FBN3: variants seen among roughly 807,000 people sequenced by gnomAD.
The protein encoded by FBN3 is fibrillin 3, also known as fibrillin-3.
A neutral mutation model predicts 330.1 loss-of-function variants in FBN3; 234 were observed. That is an observed-to-expected ratio of 0.71 (90% confidence interval 0.64 to 0.79). The LOEUF (loss-of-function observed/expected upper bound fraction) is 0.79. FBN3 is among the 30% of genes least tolerant of loss of function. FBN3 has a pLI of 0.00. For missense variants in FBN3, 3,606 were observed against 3,886.9 expected (o/e 0.93, Z 1.92); for synonymous variants, 1,458 against 1,517.3 (o/e 0.96, Z 0.91).
chr19:8,126,252 C>T (rs369908148), intron 21 of FBN3, 45 bp downstream of exon 21: 130 of 1,563,112 alleles, frequency 8.3e-5, no homozygotes, highest in Middle Eastern at 1.8e-4. Context: ...TGGTTGTGTG[C>T]GGGCTCTGGA....
At chr19:8,146,567 T>G (rs2083551550) in intron 3 of FBN3, among the ~76,000 whole-genome samples, 1 of 151,952 alleles carries the variant, frequency 6.6e-6, no homozygotes, top group African/African-American at 2.4e-5. Context: ...TGGAGTCAGA[T>G]TCCAGAGACA....
chr19:8,097,504 G>A, intron 41 of FBN3, 90 bp from the exon 42 acceptor site: 1 of 1,406,256 alleles, frequency 7.1e-7, no homozygotes, highest in Non-Finnish European at 9.5e-7. Flanking sequence ...CTGCAATCTG[G>A]TTGAGGCTGT....
intron 41 of FBN3, among the ~76,000 whole-genome samples, chr19:8,099,421 C>T (rs1237982291): frequency 6.6e-6 from 1 of 151,188 alleles, no homozygotes; most frequent in East Asian, 2.0e-4. Flanking sequence ...GCTGGGACTA[C>T]AGGCGCCCGC....
chr19:8,144,302 C>T lies in FBN3; in HGVS notation c.541+575G>A, dbSNP rs150178214. ...ATCCCAGCTACTCGGGAGGCTGAAG[C>T]GGGAGGATTGGTTGAACCTGGGAGG... On this transcript the variant is annotated intron_variant, in intron 6 of 63. Coordinates refer to ENST00000600128, the MANE Select transcript of FBN3 (RefSeq NM_032447.5). Among the ~76,000 whole-genome samples the T allele has an allele frequency of 8.0e-3, 1,219 of 151,860 alleles. 10 individuals are homozygous for T. Among genetic ancestry groups the T allele is most frequent in the Middle Eastern group, 0.02 (6 of 294 alleles).
chr19:8,124,121 C>T (rs1599398067), intron 22 of FBN3, 113 bp from the exon 23 acceptor site: 15 of 883,266 alleles, frequency 1.7e-5, no homozygotes, highest in East Asian at 1.3e-4. Flanking sequence ...GTAGTCAGGT[C>T]GAGGGCCAGA....
intron 48 of FBN3, 113 bp downstream of exon 48, chr19:8,091,352 C>T (rs749533869): frequency 8.3e-5 from 115 of 1,391,380 alleles, no homozygotes; most frequent in Non-Finnish European, 1.0e-4. Flanking sequence ...ACACCTCTGC[C>T]TGGTCAGAGC....
chr19:8,100,800 G>T, intron 41 of FBN3, 101 bp downstream of exon 41: 1 of 843,306 alleles, frequency 1.2e-6, no homozygotes, highest in South Asian at 1.4e-5. Context: ...GAGGATGGAG[G>T]AGTGGATGTA....
At chr19:8,108,140 AGATG>A (rs752754368) in intron 37 of FBN3, 26 bp downstream of exon 37, 3 of 1,600,850 alleles carry the variant, frequency 1.9e-6, no homozygotes, top group Non-Finnish European at 2.6e-6. Context: ...CTAGGCAGAC[AGATG>A]GATGGATGAT....
chr19:8,108,620 G>A (rs1006329813), intron 36 of FBN3, among the ~76,000 whole-genome samples: 3 of 151,998 alleles, frequency 2.0e-5, no homozygotes, highest in Non-Finnish European at 2.9e-5. Flanking sequence ...ATTCACACAC[G>A]CATACACCTG....
In FBN3 at chr19:8,097,352, C is replaced by T. The variant is rs774988617; in HGVS notation, c.5224G>A (p.Gly1742Arg). 11 of 1,610,524 alleles carry T rather than the reference C, an allele frequency of 6.8e-6. No homozygotes were observed. The highest frequency in any genetic ancestry group is 6.7e-5 in the Admixed American group (4 of 59,748). ...GCGGGGCACTCGCAGCGGAAACTCC[C>T]GATCTGGTTTATGCAGATGCCATTG... is the stretch of plus-strand genomic sequence containing the variant. Reference protein sequence around the residue: ...CANGICINQIGSFRCECPAGF... With the variant: ...CANGICINQIRSFRCECPAGF... The change falls in exon 42 of 64, where the codon GGG (glycine) becomes AGG (arginine). Residue 1742 changes from glycine to arginine, a missense_variant. By Grantham distance (125) the Gly-to-Arg change is moderately radical. Transcript: ENST00000600128.
Position 8,072,381 on chromosome 19 carries a change from T to G in FBN3, c.7938-183A>C, listed in dbSNP as rs566707728. 2.0e-5 allele frequency among the ~76,000 whole-genome samples: 3 copies of G among 152,232 alleles called. No homozygotes were observed. In the South Asian group the frequency reaches 6.2e-4, roughly 32 times the overall value. On this transcript the variant is annotated intron_variant, in intron 62 of 63. Coordinates refer to ENST00000600128, the MANE Select transcript of FBN3 (RefSeq NM_032447.5). ...AGTGTGTGTGCACCACATAAGGGTG[T>G]GCATGTGTGTCCCTTGGTTCATTTG...
At position 8,122,459 on chromosome 19, in the gene FBN3, C is replaced by T. The variant is rs183724124; in HGVS notation, c.3082+1005G>A. On this transcript the variant is annotated intron_variant, in intron 24 of 63. Coordinates refer to ENST00000600128, the MANE Select transcript of FBN3 (RefSeq NM_032447.5). ...TTGGCTTACTGCAACCTCCGCCTCCCGGGTTCAAGTGATTCTCCTGCCTCG... is the reference window on the plus strand; with the variant it reads ...TTGGCTTACTGCAACCTCCGCCTCCTGGGTTCAAGTGATTCTCCTGCCTCG... Among the ~76,000 whole-genome samples, 41 of 152,192 alleles carry T rather than the reference C, an allele frequency of 2.7e-4. No individual in the cohort carries two copies. The East Asian group carries it at 3.5e-3, about 13-fold the overall frequency.
At chr19:8,076,247 C>CATGTGTGTGTGTGT (rs60725609) in intron 59 of FBN3, among the ~76,000 whole-genome samples, 2,230 of 147,728 alleles carry the variant, frequency 0.015, 26 homozygotes, top group African/African-American at 0.031. Flanking sequence ...TGTCCGTGTG[C>CATGTGTGTGTGTGT]GTGTGTGTGT....
At chr19:8,069,001 G>A (rs988772496) in intron 63 of FBN3, among the ~76,000 whole-genome samples, 8 of 152,084 alleles carry the variant, frequency 5.3e-5, no homozygotes, top group South Asian at 2.1e-4. Flanking sequence ...ATGACATTGC[G>A]ACCCAGAGCC....
At chr19:8,120,992 C>T (rs1276543318) in intron 25 of FBN3, among the ~76,000 whole-genome samples, 1 of 152,152 alleles carries the variant, frequency 6.6e-6, no homozygotes. Flanking sequence ...TCTGAGGGTC[C>T]CTGTCCTCTA....
At chr19:8,094,311 T>G in intron 47 of FBN3, 135 bp downstream of exon 47, 1 of 929,124 alleles carries the variant, frequency 1.1e-6, no homozygotes, top group Non-Finnish European at 1.5e-6. Context: ...CAATAATAGT[T>G]TATGAAGCTG....
chr19:8,072,309 G>T, intron 62 of FBN3, 111 bp from the exon 63 acceptor site: 2 of 1,110,242 alleles, frequency 1.8e-6, no homozygotes, highest in South Asian at 1.6e-5. Context: ...AAATGCCCAC[G>T]CACACAAATG....
In FBN3 at chr19:8,096,858, C is replaced by A. The variant is rs1599330039; in HGVS notation, c.5413+23G>T. ...GGGTGACAGAGCCCAGCTCCCTCACCTCCTCCCAGGGACCCTGCTCACCCA... is the reference window on the plus strand; with the variant it reads ...GGGTGACAGAGCCCAGCTCCCTCACATCCTCCCAGGGACCCTGCTCACCCA... On this transcript the variant is annotated intron_variant, in intron 43 of 63. Transcript: ENST00000600128. The surrounding 1 kb of genome is among the most constrained non-coding windows in gnomAD (Gnocchi z 4.6). 3 of 1,610,100 alleles carry A rather than the reference C, an allele frequency of 1.9e-6. No homozygotes were observed. Among genetic ancestry groups the A allele is most frequent in the Admixed American group, 3.3e-5 (2 of 59,966 alleles).
chr19:8,082,362 TC>T lies in FBN3; in HGVS notation c.7214-883del, dbSNP rs1568365044. Among the ~76,000 whole-genome samples the T allele has an allele frequency of 6.5e-3, 800 of 122,176 alleles. 5 individuals are homozygous for T. Among genetic ancestry groups the T allele is most frequent in the African/African-American group, 0.026 (752 of 29,306 alleles). The allele number at this position is 122,176 out of a possible 152,430, so 80.2% of individuals were successfully genotyped here. A position where few individuals can be genotyped will look rare whatever the true frequency, so the allele number is the denominator to read the frequency against. On this transcript the variant is annotated intron_variant, in intron 57 of 63. Transcript: ENST00000600128. The stretch of plus-strand genomic sequence containing the variant: ...CTCTTTCTTTTTGTCTCTCTCTCTT[TC>T]TTTTTTCTTTCTTTCTCTTCTTTCT...
Sources: gnomAD v4.1 joint callset for allele counts (sites outside exome capture counted in the v4.1 genomes callset) on GRCh38, gnomAD v4.1.1 for gene constraint, Gnocchi (gnomAD v3.1) non-coding constraint, MANE v1.5 for transcripts, NCBI Gene and HGNC (gene_info 2026-07-23, HGNC 2026-07-21) for gene names.